TTN: variants seen among roughly 807,000 people sequenced by gnomAD.
TTN encodes titin.
A neutral mutation model predicts 3,223.0 loss-of-function variants in TTN; 1,525 were observed. The observed-to-expected ratio is 0.47, with a 90% CI of 0.45 to 0.49. TTN has a LOEUF of 0.49. TTN is among the 20% of genes least tolerant of loss of function. The pLI is 0.00. For missense variants in TTN, 40,786 were observed against 43,424.0 expected, an observed-to-expected ratio of 0.94 and a Z score of 5.40; for synonymous variants, 14,094 against 15,161.0, an observed-to-expected ratio of 0.93 and a Z score of 5.17.
chr2:178,608,944 G>C (rs779239609), intron 273 of TTN, 36 bp from the exon 274 acceptor site: 2 of 1,587,238 alleles, frequency 1.3e-6, no homozygotes, highest in Non-Finnish European at 1.7e-6. Flanking sequence ...TCAAAAATTT[G>C]TGTGGGAAGG....
In TTN at chr2:178,590,793, C is replaced by G. The variant is rs373062007; in HGVS notation, c.60932G>C (p.Arg20311Pro). Reference sequence around the variant, plus strand: ...CCTCACCCATTTGCCAGTTACTTCTCGACGTTCCATATAGTAGCCAGTTAT... The same window carrying G: ...CCTCACCCATTTGCCAGTTACTTCTGGACGTTCCATATAGTAGCCAGTTAT... ...SPITGYYMER[R>P]EVTGKWVRVN... Residue 20311 changes from arginine (R) to proline (P), a missense_variant, in exon 304 of 363, where the codon CGA becomes CCA. By Grantham distance (103) the Arg-to-Pro change is moderately radical. Coordinates refer to ENST00000589042, the MANE Select transcript of TTN (RefSeq NM_001267550.2). 1.2e-6 allele frequency: 2 copies of G among 1,607,360 alleles called. No individual in the cohort carries two copies. Among genetic ancestry groups the G allele is most frequent in the Non-Finnish European group, 1.7e-6 (2 of 1,174,830 alleles).
In TTN at chr2:178,594,650, C is replaced by T. The variant is rs369462016; in HGVS notation, c.57848-4G>A. ...TCTTCAGGACGCTCTGGTACAGCTG[C>T]GAATATAAGTATAGGAATTGTGGTA... On this transcript the variant is annotated splice_region_variant and splice_polypyrimidine_tract_variant and intron_variant, in intron 295 of 362. Coordinates refer to ENST00000589042, the MANE Select transcript of TTN (RefSeq NM_001267550.2). The T allele has an allele frequency of 1.8e-5, 29 of 1,583,892 alleles. No individual in the cohort carries two copies. Among genetic ancestry groups the T allele is most frequent in the African/African-American group, 1.2e-4 (9 of 73,572 alleles).
intron 24 of TTN, chr2:178,778,188 T>C: frequency 1.6e-6 from 1 of 630,378 alleles, no homozygotes; most frequent in Non-Finnish European, 2.7e-6. Flanking sequence ...TAGCTGGTAG[T>C]CATTCAGTAT....
At position 178,730,541 on chromosome 2, in the gene TTN, C is replaced by T. The variant is rs757934638; in HGVS notation, c.17992G>A (p.Gly5998Arg). 2 of 1,613,300 alleles carry T rather than the reference C, an allele frequency of 1.2e-6. No homozygotes were observed. The highest frequency in any genetic ancestry group is 8.5e-7 in the Non-Finnish European group (1 of 1,179,416). ...AGATGCCCACTGCATTGGTTGTGCC[C>T]TGCCTTATTTGTGGCAGAACAAGTG... ...TYTCSATNKA[G>R]HNQCSGHLTV... The change falls in exon 61 of 363, where the codon GGG (glycine) becomes AGG (arginine). Residue 5998 changes from glycine to arginine, a missense_variant. By Grantham distance (125) the Gly-to-Arg change is moderately radical. Coordinates refer to ENST00000589042, the MANE Select transcript of TTN (RefSeq NM_001267550.2).
rs768557263 is a variant in TTN at position 178,618,417 on chromosome 2, G to A, written c.47041C>T (p.Pro15681Ser). 1 of 1,612,454 alleles carries A rather than the reference G, an allele frequency of 6.2e-7. No individual in the cohort carries two copies. Among genetic ancestry groups the A allele is most frequent in the South Asian group, 1.1e-5 (1 of 91,058 alleles). ...DGEVSLAWEE[P>S]LTDGGSKIIG... ...ATTTTGCTTCCACCATCAGTTAAAG[G>A]TTCTTCCCAAGCAAGGCTCACTTCA... Residue 15681 changes from proline (P) to serine (S), a missense_variant, in exon 252 of 363, where the codon CCT (proline) becomes TCT (serine). Pro to Ser is a moderately conservative substitution (Grantham distance 74). Transcript: ENST00000589042.
At chr2:178,716,996 T>A (rs1409036282) in intron 88 of TTN, 99 bp downstream of exon 88, 3 of 1,348,476 alleles carry the variant, frequency 2.2e-6, no homozygotes, top group African/African-American at 1.5e-5. Context: ...CACTAGACCC[T>A]GGTCCTAAAC....
chr2:178,781,803 T>G (rs2054706), intron 20 of TTN, among the ~76,000 whole-genome samples: 144,133 of 152,002 alleles, frequency 0.95, 68,582 homozygotes, highest in Non-Finnish European at 0.99. Flanking sequence ...TAGATTTTTG[T>G]GCATAACTAG....
At chr2:178,688,984 G>GAATTTAAC in intron 125 of TTN, 69 bp downstream of exon 125, 1 of 1,465,944 alleles carries the variant, frequency 6.8e-7, no homozygotes, top group Non-Finnish European at 9.4e-7. Context: ...GAAAAAGCAA[G>GAATTTAAC]AATTTAACAC....
At chr2:178,792,319 T>A in intron 9 of TTN, 122 bp from the exon 10 acceptor site, 1 of 854,530 alleles carries the variant, frequency 1.2e-6, no homozygotes, top group Non-Finnish European at 1.7e-6. Context: ...CAGATGTCAC[T>A]AAATAAAATA....
At position 178,588,959 on chromosome 2, in the gene TTN, A is replaced by G. The variant is rs752423017; in HGVS notation, c.62766T>C (p.Gly20922=). Residue 20922 remains glycine (G), a synonymous_variant, in exon 304 of 363, where the codon GGT becomes GGC. Transcript: ENST00000589042. The part of the protein sequence containing the change: ...STYSATVLTP[G]TTVTRLIEGN... ...CTTCTATGAGACGTGTTACTGTAGT[A>G]CCAGGTGTCAAGACAGTAGCAGAAT... 7 of 1,612,606 alleles carry G rather than the reference A, an allele frequency of 4.3e-6. No individual in the cohort carries two copies.
rs200350579 is a variant in TTN, at chr2:178,561,671, G to A, written c.84461C>T (p.Pro28154Leu). ...SAVVAEYPFS[P>L]PGPPGTPKVV... ...TTTAGGAGTACCAGGAGGACCTGGG[G>A]GACTGAATGGATACTCTGCAACAAC... Residue 28154 changes from proline to leucine, a missense_variant, in exon 326 of 363, where the codon CCC becomes CTC. Physicochemically the swap from Pro to Leu is moderately conservative, Grantham distance 98. Coordinates refer to ENST00000589042, the MANE Select transcript of TTN (RefSeq NM_001267550.2). 605 of 1,606,676 alleles carry A rather than the reference G, an allele frequency of 3.8e-4. 4 individuals are homozygous for A. The African/African-American group carries it at 7.7e-3, about 20-fold the overall frequency.
At chr2:178,793,103 C>T (rs2093597616) in intron 9 of TTN, among the ~76,000 whole-genome samples, 1 of 152,192 alleles carries the variant, frequency 6.6e-6, no homozygotes, top group African/African-American at 2.4e-5. Flanking sequence ...TGGTTTTAGC[C>T]ATCTGTCCTC....
rs761055099 is a variant in TTN, at chr2:178,702,218, T to C, written c.30461A>G (p.Glu10154Gly). The C allele has an allele frequency of 6.2e-7, 1 of 1,614,008 alleles. No individual in the cohort carries two copies. Among genetic ancestry groups the C allele is most frequent in the Non-Finnish European group, 8.5e-7 (1 of 1,179,890 alleles). Residue 10154 changes from glutamate (E) to glycine (G), a missense_variant, in exon 108 of 363, where the codon GAG becomes GGG. Coordinates refer to ENST00000589042, the MANE Select transcript of TTN (RefSeq NM_001267550.2). ...CGTGCTTCTTGCTTCACCTCTTGGC[T>C]CCAGCCGAGCGATGACCGAGTAGAC... Reference protein sequence around the residue: ...EGVYSVIARLEPRGEARSTAE... With the variant: ...EGVYSVIARLGPRGEARSTAE...
At position 178,763,530 on chromosome 2, in the gene TTN, T is replaced by G. The variant is rs376286486; in HGVS notation, c.10114+647A>C. 3.3e-5 allele frequency among the ~76,000 whole-genome samples: 5 copies of G among 152,346 alleles called. No homozygotes were observed. The East Asian group carries it at 9.6e-4, about 29-fold the overall frequency. Reference sequence around the variant, plus strand: ...AGAGCTTACCTTCTAGCAGGTACTATTTTTCAGATGCCAAATTCTAGGCAC... The same window carrying G: ...AGAGCTTACCTTCTAGCAGGTACTAGTTTTCAGATGCCAAATTCTAGGCAC... On this transcript the variant is annotated intron_variant, in intron 43 of 362. Transcript: ENST00000589042.
Position 178,534,287 on chromosome 2 carries a change from G to A in TTN, c.102328C>T (p.Arg34110Trp), listed in dbSNP as rs754873937. Reference sequence around the variant, plus strand: ...CGAATTGCACCACCACAGGAGATCCGGGCTGCTGACACAACCATGTTGAGG... The same window carrying A: ...CGAATTGCACCACCACAGGAGATCCAGGCTGCTGACACAACCATGTTGAGG... ...KDLNMVVSAA[R>W]ISCGGAIRSQ... Residue 34110 changes from arginine to tryptophan, a missense_variant, in exon 358 of 363, where the codon CGG (arginine) becomes TGG (tryptophan). By Grantham distance (101) the Arg-to-Trp change is moderately radical. Coordinates refer to ENST00000589042, the MANE Select transcript of TTN (RefSeq NM_001267550.2). 1.5e-5 allele frequency: 24 copies of A among 1,613,668 alleles called. No individual in the cohort carries two copies. The highest frequency in any genetic ancestry group is 1.3e-4 in the African/African-American group (10 of 74,900).
intron 119 of TTN, 80 bp from the exon 120 acceptor site, chr2:178,692,660 A>G (rs534231818): frequency 9.0e-7 from 1 of 1,108,528 alleles, no homozygotes; most frequent in Non-Finnish European, 1.2e-6. Context: ...AATTAAATAG[A>G]GATTCCCTTT....
rs1315030705 is a variant in TTN at position 178,572,759 on chromosome 2, G to A, written c.73373C>T (p.Pro24458Leu). ...LFVPIKGRPA[P>L]EVKWARDHGE... Reference sequence around the variant, plus strand: ...ATGGTCCCGGGCCCACTTCACCTCAGGTGCAGGCCTTCCTTTGATGGGAAC... The same window carrying A: ...ATGGTCCCGGGCCCACTTCACCTCAAGTGCAGGCCTTCCTTTGATGGGAAC... Residue 24458 changes from proline to leucine, a missense_variant, in exon 326 of 363, where the codon CCT becomes CTT. Coordinates refer to ENST00000589042, the MANE Select transcript of TTN (RefSeq NM_001267550.2). 1.9e-6 allele frequency: 3 copies of A among 1,613,496 alleles called. No individual in the cohort carries two copies. The East Asian group carries it at 6.7e-5, about 36-fold the overall frequency.
In TTN at chr2:178,531,007, A is replaced by G. The variant is rs771136390; in HGVS notation, c.105608T>C (p.Val35203Ala). 105 of 1,613,586 alleles carry G rather than the reference A, an allele frequency of 6.5e-5. No homozygotes were observed. Among genetic ancestry groups the G allele is most frequent in the Non-Finnish European group, 8.1e-5 (96 of 1,179,848 alleles). ...TTCTTGTTTCCCTTCACTGTTTTCTACCACCACGCTGTAATTGCCCTCATC... is the reference window on the plus strand; with the variant it reads ...TTCTTGTTTCCCTTCACTGTTTTCTGCCACCACGCTGTAATTGCCCTCATC... The part of the protein sequence containing the change: ...ASDEGNYSVV[V>A]ENSEGKQEAE... Residue 35203 changes from valine (V) to alanine (A), a missense_variant, in exon 358 of 363, where the codon GTA (valine) becomes GCA (alanine). By Grantham distance (64) the Val-to-Ala change is moderately conservative. Transcript: ENST00000589042.
chr2:178,647,527 G>C (rs1245925510), intron 213 of TTN, 63 bp from the exon 214 acceptor site: 4 of 1,491,000 alleles, frequency 2.7e-6, no homozygotes, highest in Non-Finnish European at 3.7e-6. Flanking sequence ...TGTCTAAAGA[G>C]CAGGCAAAGA....
Sources: gnomAD v4.1 joint callset for allele counts (sites outside exome capture counted in the v4.1 genomes callset) on GRCh38, gnomAD v4.1.1 for gene constraint, MANE v1.5 for transcripts, NCBI Gene and HGNC (gene_info 2026-07-23, HGNC 2026-07-21) for gene names.